The following MTF1 variants were observed in gnomAD, a reference collection of about 807,000 sequenced individuals.
MTF1 encodes metal regulatory transcription factor 1.
A neutral mutation model predicts 70.4 loss-of-function variants in MTF1; 22 were observed. The observed-to-expected ratio is 0.31, with a 90% CI of 0.22 to 0.45. The LOEUF (loss-of-function observed/expected upper bound fraction) is 0.45. Among genes scored for constraint, MTF1 ranks in the 20% least tolerant of loss-of-function variants. MTF1 has a pLI of 1.00. For missense variants in MTF1, 649 were observed against 922.0 expected (o/e 0.70, Z 3.83); for synonymous variants, 333 against 352.8 (o/e 0.94, Z 0.63).
intron 2 of MTF1, among the ~76,000 whole-genome samples, chr1:37,856,723 C>T (rs1641502559): frequency 6.6e-6 from 1 of 151,866 alleles, no homozygotes; most frequent in African/African-American, 2.4e-5. Flanking sequence ...TGCTCTCGAA[C>T]TCCTGACCTC....
intron 10 of MTF1, among the ~76,000 whole-genome samples, chr1:37,816,819 G>A (rs1640825557): frequency 6.6e-6 from 1 of 152,122 alleles, no homozygotes; most frequent in African/African-American, 2.4e-5. Flanking sequence ...CTGTGATCGT[G>A]CCACCATACT....
intron 9 of MTF1, among the ~76,000 whole-genome samples, chr1:37,818,369 G>A (rs1184138568): frequency 6.6e-6 from 1 of 152,126 alleles, no homozygotes; most frequent in Non-Finnish European, 1.5e-5. Context: ...CCTGAGCCCA[G>A]GAGTTCAAGG....
In MTF1 at chr1:37,822,834, T is replaced by C. The variant is rs1640939471; in HGVS notation, c.1172-118A>G. 4.5e-6 allele frequency: 3 copies of C among 671,400 alleles called. No homozygotes were observed. The South Asian group carries it at 6.0e-5, about 13-fold the overall frequency. The allele number at this position is 671,400 out of a possible 1,614,324, so 41.6% of individuals were successfully genotyped here. A position where few individuals can be genotyped will look rare whatever the true frequency, so the allele number is the denominator to read the frequency against. On this transcript the variant is annotated intron_variant, in intron 8 of 10. Transcript: ENST00000373036. Reference sequence around the variant, plus strand: ...GAAGTCCACTGAGCTGATCTCTTCATAGCTAGCAGGCCAGCTTTCTGTCAT... The same window carrying C: ...GAAGTCCACTGAGCTGATCTCTTCACAGCTAGCAGGCCAGCTTTCTGTCAT...
chr1:37,815,405 C>A lies in MTF1; in HGVS notation c.1993G>T (p.Ala665Ser), dbSNP rs1357297031. 21 of 1,613,804 alleles carry A rather than the reference C, an allele frequency of 1.3e-5. No homozygotes were observed. Among genetic ancestry groups the A allele is most frequent in the Non-Finnish European group, 1.8e-5 (21 of 1,179,924 alleles). ...SPPPPEPSPQAPDGPSLQLPA... is the reference protein window; with the variant it reads ...SPPPPEPSPQSPDGPSLQLPA... ...AGCTGCAGGCTGGGCCCATCAGGAGCCTGGGGGCTCGGCTCTGGAGGGGGT... is the reference window on the plus strand; with the variant it reads ...AGCTGCAGGCTGGGCCCATCAGGAGACTGGGGGCTCGGCTCTGGAGGGGGT... The change falls in exon 11 of 11, where the codon GCT becomes TCT. Residue 665 changes from alanine to serine, a missense_variant. This residue lies in a region of MTF1 where 138 missense variants were observed against 134.4 expected (regional missense o/e 1.03). Transcript: ENST00000373036. The surrounding 1 kb of genome is among the most constrained non-coding windows in gnomAD (Gnocchi z 4.5).
chr1:37,820,945 G>A (rs1435174014), intron 9 of MTF1, among the ~76,000 whole-genome samples: 1 of 152,196 alleles, frequency 6.6e-6, no homozygotes, highest in Non-Finnish European at 1.5e-5. Flanking sequence ...TTGGGAGACG[G>A]AGGCAGGCAG....
intron 7 of MTF1, among the ~76,000 whole-genome samples, chr1:37,824,131 G>A (rs1328376836): frequency 6.6e-6 from 1 of 152,108 alleles, no homozygotes; most frequent in African/African-American, 2.4e-5. Context: ...ACAGGCATGA[G>A]CCACCATGCC....
Position 37,812,088 on chromosome 1 carries a change from G to A in MTF1, c.*3048C>T, listed in dbSNP as rs992838822. The A allele has an allele frequency of 6.5e-6, 1 of 152,680 alleles. No individual in the cohort carries two copies. The highest frequency in any genetic ancestry group is 2.4e-5 in the African/African-American group (1 of 41,464). 9.5% of individuals were successfully genotyped at this position (152,680 alleles called of 1,614,324 possible). On this transcript the variant is annotated 3_prime_UTR_variant, in exon 11 of 11. Transcript: ENST00000373036. ...TTGGAGATGTTAGTAGGAGCTAGAAGATAACGTACAGGGTGAAAATGGTTA... is the reference window on the plus strand; with the variant it reads ...TTGGAGATGTTAGTAGGAGCTAGAAAATAACGTACAGGGTGAAAATGGTTA...
intron 5 of MTF1, 121 bp from the exon 6 acceptor site, chr1:37,835,336 A>G: frequency 1.2e-6 from 1 of 818,538 alleles, no homozygotes; most frequent in Non-Finnish European, 2.0e-6. Flanking sequence ...ACAGTTGTTA[A>G]AAGTTCAATA....
chr1:37,822,855 G>T, intron 8 of MTF1, 139 bp from the exon 9 acceptor site: 1 of 621,220 alleles, frequency 1.6e-6, no homozygotes, highest in Non-Finnish European at 2.8e-6. Flanking sequence ...CCAGCTTTCT[G>T]TCATTTTCAT....
At chr1:37,850,360 G>A (rs1377350633) in intron 2 of MTF1, among the ~76,000 whole-genome samples, 1 of 152,082 alleles carries the variant, frequency 6.6e-6, no homozygotes, top group Non-Finnish European at 1.5e-5. Flanking sequence ...CACTTTGGGA[G>A]GTCGAGGCAG....
chr1:37,832,393 C>T, intron 6 of MTF1, 71 bp from the exon 7 acceptor site: 2 of 959,694 alleles, frequency 2.1e-6, no homozygotes, highest in Non-Finnish European at 3.3e-6. Flanking sequence ...TGTAACAAAA[C>T]ATTTGATTAC....
At chr1:37,826,624 C>CTTT (rs34242072) in intron 7 of MTF1, 23 of 387,486 alleles carry the variant, frequency 5.9e-5, no homozygotes, top group East Asian at 1.6e-4. Flanking sequence ...TCAGTGATTC[C>CTTT]TTTTTTTTTT....
At chr1:37,827,209 A>G (rs1312691672) in intron 7 of MTF1, among the ~76,000 whole-genome samples, 1 of 152,072 alleles carries the variant, frequency 6.6e-6, no homozygotes, top group East Asian at 1.9e-4. Context: ...TTTCTATTCT[A>G]TTGATGTCTT....
rs1640809986 is a variant in MTF1, at chr1:37,815,718, GACC to G, written c.1832-155_1832-153del. On this transcript the variant is annotated intron_variant, in intron 10 of 10. Coordinates refer to ENST00000373036, the MANE Select transcript of MTF1 (RefSeq NM_005955.3). The surrounding 1 kb of genome is among the most constrained non-coding windows in gnomAD (Gnocchi z 4.5). Reference sequence around the variant, plus strand: ...TCGGGCTTCGTTCTGCTTTAAATTGGACCACATGCCCTCTGAGGTAAAAGAGGG... The same window carrying G: ...TCGGGCTTCGTTCTGCTTTAAATTGGACATGCCCTCTGAGGTAAAAGAGGG... 1.8e-6 allele frequency: 1 copy of G among 567,406 alleles called. No homozygotes were observed. 35.1% of individuals were successfully genotyped at this position (567,406 alleles called of 1,614,324 possible).
At chr1:37,855,057 C>T (rs1641471197) in intron 2 of MTF1, among the ~76,000 whole-genome samples, 1 of 151,952 alleles carries the variant, frequency 6.6e-6, no homozygotes, top group South Asian at 2.1e-4. Flanking sequence ...AAAACTCCAT[C>T]TCAAAAAAAG....
chr1:37,816,013 G>A (rs886363165), intron 10 of MTF1, among the ~76,000 whole-genome samples: 1 of 152,132 alleles, frequency 6.6e-6, no homozygotes, highest in Admixed American at 6.5e-5. Context: ...CTATGCAGAG[G>A]ACTAGCTTGG....
At chr1:37,842,860 G>T (rs1217299637) in intron 2 of MTF1, among the ~76,000 whole-genome samples, 1 of 152,156 alleles carries the variant, frequency 6.6e-6, no homozygotes, top group Non-Finnish European at 1.5e-5. Context: ...GAAGTGACTG[G>T]ATCCAGCAGC....
intron 1 of MTF1, chr1:37,858,342 T>C (rs1187011602): frequency 6.6e-6 from 1 of 152,268 alleles, no homozygotes; most frequent in African/African-American, 2.4e-5. Context: ...GGGTAACTTT[T>C]CTGTGCCTCA....
intron 7 of MTF1, chr1:37,828,260 G>A (rs982554404): frequency 1.5e-5 from 5 of 344,714 alleles, no homozygotes; most frequent in Admixed American, 7.7e-5. Flanking sequence ...GCTTTTGGGG[G>A]TATGTGAGGG....
Sources: allele counts gnomAD v4.1 joint callset (sites outside exome capture counted in the v4.1 genomes callset), GRCh38; gene constraint gnomAD v4.1.1; regional missense constraint gnomAD v4.1.1; non-coding constraint Gnocchi (gnomAD v3.1); transcripts MANE v1.5; gene names NCBI Gene and HGNC (gene_info 2026-07-23, HGNC 2026-07-21).